The following RSF1 variants were observed in gnomAD, a reference collection of about 807,000 sequenced individuals.
The protein encoded by RSF1 is remodeling and spacing factor 1.
In RSF1, 13 loss-of-function variants were observed where a neutral mutation model predicts 145.2. The ratio of observed to expected loss-of-function variants is 0.09; its 90% CI spans 0.06 to 0.14. The LOEUF (loss-of-function observed/expected upper bound fraction) is 0.14, where lower values mean the gene tolerates loss of function less well. Among genes scored for constraint, RSF1 ranks in the 10% least tolerant of loss-of-function variants. RSF1 has a pLI of 1.00. For missense variants in RSF1, 1,517 were observed against 1,718.2 expected (o/e 0.88, Z 2.07); for synonymous variants, 577 against 592.6 (o/e 0.97, Z 0.38).
At chr11:77,833,494 C>A in the RSF1 span, among the ~76,000 whole-genome samples, 1 of 151,918 alleles carries the variant, frequency 6.6e-6, no homozygotes, top group Non-Finnish European at 1.5e-5. Flanking sequence ...AGAGCTCGGG[C>A]AGTAATGTGA....
chr11:77,705,160 A>T (rs1238708265), intron 5 of RSF1, among the ~76,000 whole-genome samples: 1 of 152,200 alleles, frequency 6.6e-6, no homozygotes, highest in Non-Finnish European at 1.5e-5. Flanking sequence ...CTAGGACAGA[A>T]TATGAACCTT....
At chr11:77,712,129 A>T (rs1960700789) in intron 5 of RSF1, among the ~76,000 whole-genome samples, 1 of 152,226 alleles carries the variant, frequency 6.6e-6, no homozygotes, top group Non-Finnish European at 1.5e-5. Context: ...CCCCACCCAA[A>T]TCTCACCTTG....
At chr11:77,754,723 G>A (rs1413401529) in intron 2 of RSF1, among the ~76,000 whole-genome samples, 3 of 151,988 alleles carry the variant, frequency 2.0e-5, no homozygotes, top group Non-Finnish European at 4.4e-5. Flanking sequence ...CAGTCTAGGT[G>A]ACAGTGAGAC....
chr11:77,808,619 C>T (rs1190721458), intron 1 of RSF1, among the ~76,000 whole-genome samples: 2 of 120,038 alleles, frequency 1.7e-5, no homozygotes, highest in Non-Finnish European at 3.2e-5. Context: ...CTGCAAGCTC[C>T]GCCTCCCGGG....
At chr11:77,756,592 T>A (rs944337867) in intron 2 of RSF1, among the ~76,000 whole-genome samples, 1 of 151,868 alleles carries the variant, frequency 6.6e-6, no homozygotes, top group Non-Finnish European at 1.5e-5. Flanking sequence ...ATCATGGAGG[T>A]AGTAAAATGG....
chr11:77,717,181 CAAA>C (rs55686322), intron 5 of RSF1, among the ~76,000 whole-genome samples: 2 of 129,188 alleles, frequency 1.5e-5, no homozygotes, highest in Non-Finnish European at 3.2e-5. Context: ...AACCAAAAAC[CAAA>C]AAAAAAAAAA....
chr11:77,798,473 TG>T (rs1948594101), intron 1 of RSF1, among the ~76,000 whole-genome samples: 1 of 150,576 alleles, frequency 6.6e-6, no homozygotes, highest in Non-Finnish European at 1.5e-5. Context: ...CCCAGCTCCT[TG>T]GAAGGCTGAG....
chr11:77,700,986 G>T lies in RSF1; in HGVS notation c.2243C>A (p.Ser748Tyr), dbSNP rs1960406333. 6.2e-7 allele frequency: 1 copy of T among 1,613,488 alleles called. No homozygotes were observed. The highest frequency in any genetic ancestry group is 8.5e-7 in the Non-Finnish European group (1 of 1,179,994). Residue 748 changes from serine to tyrosine, a missense_variant, in exon 6 of 16, where the codon TCT becomes TAT. Physicochemically the swap from Ser to Tyr is moderately radical, Grantham distance 144. This residue lies in a region of RSF1 where 579 missense variants were observed against 553.5 expected (regional missense o/e 1.05). Transcript: ENST00000308488. ...RISSRKKKPD[S>Y]PPKVLEPENK... ...TTCTGGTTCTAGAACTTTGGGGGGAGAATCGGGCTTCTTTTTCCGACTTGA... is the reference window on the plus strand; with the variant it reads ...TTCTGGTTCTAGAACTTTGGGGGGATAATCGGGCTTCTTTTTCCGACTTGA...
intron 1 of RSF1, among the ~76,000 whole-genome samples, chr11:77,767,183 T>G (rs903986700): frequency 6.6e-6 from 1 of 152,138 alleles, no homozygotes; most frequent in African/African-American, 2.4e-5. Flanking sequence ...ATAAAATACT[T>G]TTATTTCTCT....
At chr11:77,804,286 G>T (rs73493881) in intron 1 of RSF1, among the ~76,000 whole-genome samples, 2 of 151,988 alleles carry the variant, frequency 1.3e-5, no homozygotes, top group African/African-American at 4.8e-5. Flanking sequence ...GCACTTTCTT[G>T]AGTTCTGTGA....
At chr11:77,769,308 A>T (rs1948258688) in intron 1 of RSF1, among the ~76,000 whole-genome samples, 2 of 152,182 alleles carry the variant, frequency 1.3e-5, no homozygotes, top group East Asian at 3.8e-4. Flanking sequence ...TTTCTAAAAC[A>T]CTGACAAGCT....
intron 1 of RSF1, among the ~76,000 whole-genome samples, chr11:77,788,330 T>G (rs1253352347): frequency 6.7e-6 from 1 of 149,596 alleles, no homozygotes; most frequent in Non-Finnish European, 1.5e-5. Context: ...ACATGAAAAG[T>G]TCTTATATGA....
At chr11:77,757,378 C>G (rs571985479) in intron 2 of RSF1, among the ~76,000 whole-genome samples, 1 of 152,118 alleles carries the variant, frequency 6.6e-6, no homozygotes, top group Non-Finnish European at 1.5e-5. Flanking sequence ...TCTGGAGGCA[C>G]TAACAGCAAA....
chr11:77,834,447 T>G, the RSF1 span, among the ~76,000 whole-genome samples: 14 of 147,942 alleles, frequency 9.5e-5, no homozygotes, highest in South Asian at 1.1e-3. Flanking sequence ...TTTTGTTTTT[T>G]TTTTTTTTTT....
At chr11:77,767,938 C>T (rs1290696816) in intron 1 of RSF1, among the ~76,000 whole-genome samples, 1 of 152,110 alleles carries the variant, frequency 6.6e-6, no homozygotes, top group Non-Finnish European at 1.5e-5. Flanking sequence ...TACAAATCTA[C>T]TCATTGTTGA....
In RSF1 at chr11:77,680,993, A is replaced by C. The variant is rs140475482; in HGVS notation, c.3065+2717T>G. Among the ~76,000 whole-genome samples, 51 of 152,352 alleles carry C rather than the reference A, an allele frequency of 3.3e-4. No homozygotes were observed. In the East Asian group the frequency reaches 6.2e-3, roughly 18 times the overall value. On this transcript the variant is annotated intron_variant, in intron 11 of 15. Coordinates refer to ENST00000308488, the MANE Select transcript of RSF1 (RefSeq NM_016578.4). The stretch of plus-strand genomic sequence containing the variant: ...TCTTACTGAGAAATTTGTTCGCTAA[A>C]ATCAAAGACCATCAGAAACTTCAGG...
At position 77,678,110 on chromosome 11, in the gene RSF1, C is replaced by A; in HGVS notation, c.3109G>T (p.Asp1037Tyr). ...CCTCCTCCATCGGCTTCTTTGATGT[C>A]ATCTTCAATAGCTTCATCAATTGCT... ...DEAIDEAIED[D>Y]IKEADGGGVG... is the part of the protein sequence containing the mutation. The change falls in exon 12 of 16, where the codon GAC becomes TAC. Residue 1037 changes from aspartate (D) to tyrosine (Y), a missense_variant. By Grantham distance (160) the Asp-to-Tyr change is radical. Coordinates refer to ENST00000308488, the MANE Select transcript of RSF1 (RefSeq NM_016578.4). The A allele has an allele frequency of 1.9e-6, 3 of 1,611,128 alleles. No homozygotes were observed. Among genetic ancestry groups the A allele is most frequent in the Non-Finnish European group, 2.5e-6 (3 of 1,178,482 alleles).
intron 3 of RSF1, among the ~76,000 whole-genome samples, chr11:77,743,791 T>A (rs1293206218): frequency 6.6e-6 from 1 of 152,224 alleles, no homozygotes; most frequent in African/African-American, 2.4e-5. Flanking sequence ...GTCTTGCTCC[T>A]GATGTTAAAG....
intron 15 of RSF1, among the ~76,000 whole-genome samples, chr11:77,670,825 A>G (rs541245653): frequency 2.6e-5 from 4 of 151,870 alleles, no homozygotes; most frequent in Admixed American, 2.6e-4. Flanking sequence ...CAGGCCATAA[A>G]GCCGGGCGCG....
Sources: gnomAD v4.1 joint callset for allele counts (sites outside exome capture counted in the v4.1 genomes callset) on GRCh38, gnomAD v4.1.1 for gene constraint, gnomAD v4.1.1 regional missense constraint, MANE v1.5 for transcripts, NCBI Gene and HGNC (gene_info 2026-07-23, HGNC 2026-07-21) for gene names.